Variants in COL22A1 observed in about 807,000 individuals in gnomAD.
COL22A1 encodes the protein collagen alpha-1(XXII) chain.
A neutral mutation model predicts 248.9 loss-of-function variants in COL22A1; 221 were observed. The observed-to-expected ratio is 0.89, with a 90% confidence interval of 0.80 to 0.99. The LOEUF is 0.99. COL22A1 is among the 50% of genes least tolerant of loss of function. The probability of loss-of-function intolerance (pLI) is 0.00; values close to 1 mark genes in which losing one functional copy is unlikely to be tolerated. For missense variants in COL22A1, 2,240 were observed against 2,179.0 expected (o/e 1.03, Z -0.56); for synonymous variants, 891 against 793.4 (o/e 1.12, Z -2.07).
intron 32 of COL22A1, among the ~76,000 whole-genome samples, chr8:138,699,836 A>G (rs941476433): frequency 1.3e-5 from 2 of 152,228 alleles, no homozygotes; most frequent in African/African-American, 4.8e-5. Context: ...GTGTTACTGA[A>G]GAATTAACTT....
Position 138,588,515 on chromosome 8 carries a change from C to G in COL22A1, c.*738G>C, listed in dbSNP as rs1302277155. The G allele has an allele frequency of 6.6e-6, 1 of 152,238 alleles. No homozygotes were observed. Among genetic ancestry groups the G allele is most frequent in the Admixed American group, 6.5e-5 (1 of 15,284 alleles). The allele number at this position is 152,238 out of a possible 1,614,324, so 9.4% of individuals were successfully genotyped here. ...ACAAATTAACACTCAAGGGCTGCCT[C>G]TTCAACATAGGTTTTCCCATCTTTG... On this transcript the variant is annotated 3_prime_UTR_variant, in exon 65 of 65. Coordinates refer to ENST00000303045, the MANE Select transcript of COL22A1 (RefSeq NM_152888.3).
At chr8:138,658,979 A>C (rs1165312012) in intron 44 of COL22A1, among the ~76,000 whole-genome samples, 1 of 151,924 alleles carries the variant, frequency 6.6e-6, no homozygotes, top group East Asian at 1.9e-4. Flanking sequence ...CATCAGCTGC[A>C]CTATGCTGAC....
At chr8:138,782,348 G>T (rs563198397) in intron 12 of COL22A1, among the ~76,000 whole-genome samples, 1 of 152,324 alleles carries the variant, frequency 6.6e-6, no homozygotes, top group Admixed American at 6.5e-5. Flanking sequence ...CTCCTGTGTA[G>T]CTCGGACTAC....
chr8:138,650,569 C>T (rs1822621414), intron 45 of COL22A1, among the ~76,000 whole-genome samples: 1 of 152,142 alleles, frequency 6.6e-6, no homozygotes, highest in Non-Finnish European at 1.5e-5. Flanking sequence ...CCCTCCATGG[C>T]CTTCTCTCTA....
At position 138,715,731 on chromosome 8, in the gene COL22A1, T is replaced by C. The variant is rs768060362; in HGVS notation, c.2468A>G (p.Glu823Gly). The C allele has an allele frequency of 5.6e-6, 9 of 1,610,038 alleles. No individual in the cohort carries two copies. In the African/African-American group the frequency reaches 9.4e-5, roughly 17 times the overall value. The change falls in exon 30 of 65, where the codon GAA becomes GGA. Residue 823 changes from glutamate (E) to glycine (G), a missense_variant. Glu to Gly is a moderately conservative substitution (Grantham distance 98). Coordinates refer to ENST00000303045, the MANE Select transcript of COL22A1 (RefSeq NM_152888.3). ...TCCTGGAAGTCCCAGTTCACCTTTT[T>C]CTCCCTATAATAAAAGATAAAATTA... Reference protein sequence around the residue: ...GVRGEKGDQGEKGELGLPGLK... With the variant: ...GVRGEKGDQGGKGELGLPGLK...
At chr8:138,814,711 A>C (rs1240808296) in intron 7 of COL22A1, among the ~76,000 whole-genome samples, 1 of 151,952 alleles carries the variant, frequency 6.6e-6, no homozygotes, top group Non-Finnish European at 1.5e-5. Context: ...TGAGTGAACC[A>C]CTCAGCTAAG....
intron 16 of COL22A1, among the ~76,000 whole-genome samples, chr8:138,774,162 A>C (rs1814158669): frequency 6.6e-6 from 1 of 152,112 alleles, no homozygotes; most frequent in Non-Finnish European, 1.5e-5. Context: ...TTGCTTATTA[A>C]AGTTAAAATG....
intron 47 of COL22A1, among the ~76,000 whole-genome samples, chr8:138,642,122 G>T (rs1006648759): frequency 1.3e-5 from 2 of 152,150 alleles, no homozygotes; most frequent in Admixed American, 1.3e-4. Context: ...GTAGACTAAA[G>T]CATTGCACCC....
chr8:138,819,688 G>T (rs915521653), intron 7 of COL22A1, among the ~76,000 whole-genome samples: 2 of 147,234 alleles, frequency 1.4e-5, no homozygotes. Context: ...TGTCTATAAT[G>T]TATGTATATG....
intron 32 of COL22A1, 149 bp downstream of exon 32, chr8:138,699,963 A>T: frequency 1.3e-6 from 1 of 755,284 alleles, no homozygotes. Flanking sequence ...ACCTGTTTTC[A>T]GGACAAGCCC....
chr8:138,713,608 G>A (rs529537514), intron 30 of COL22A1, among the ~76,000 whole-genome samples: 2 of 152,110 alleles, frequency 1.3e-5, no homozygotes, highest in African/African-American at 2.4e-5. Flanking sequence ...ACTAATCAGC[G>A]ATTTTCCAGT....
chr8:138,689,431 A>G (rs540882657), intron 36 of COL22A1, among the ~76,000 whole-genome samples: 1 of 152,290 alleles, frequency 6.6e-6, no homozygotes, highest in South Asian at 2.1e-4. Context: ...GAAACAGAGA[A>G]GCAAAAAGGG....
At chr8:138,690,514 C>T (rs1376987812) in intron 36 of COL22A1, among the ~76,000 whole-genome samples, 1 of 152,150 alleles carries the variant, frequency 6.6e-6, no homozygotes, top group Non-Finnish European at 1.5e-5. Flanking sequence ...GGACCTTTGA[C>T]TTCTTTAGGT....
At chr8:138,821,521 G>A (rs1819130863) in intron 6 of COL22A1, 110 bp from the exon 7 acceptor site, 2 of 1,115,256 alleles carry the variant, frequency 1.8e-6, no homozygotes, top group Non-Finnish European at 1.3e-6. Flanking sequence ...GTCAATCCTG[G>A]CTGTGACTCT....
intron 64 of COL22A1, among the ~76,000 whole-genome samples, chr8:138,590,636 C>T (rs919930703): frequency 9.9e-5 from 15 of 151,990 alleles, no homozygotes; most frequent in African/African-American, 3.4e-4. Flanking sequence ...ATACTAAAAT[C>T]GAAATTCTCT....
rs775842133 is a variant in COL22A1 at position 138,685,313 on chromosome 8, C to G, written c.2863-1G>C. 1.2e-6 allele frequency: 2 copies of G among 1,612,936 alleles called. No homozygotes were observed. Among genetic ancestry groups the G allele is most frequent in the African/African-American group, 2.7e-5 (2 of 74,854 alleles). On this transcript the variant is annotated splice_acceptor_variant, in intron 37 of 64. Coordinates refer to ENST00000303045, the MANE Select transcript of COL22A1 (RefSeq NM_152888.3). LOFTEE classifies it high-confidence loss of function. ...GGCTGCCTTCTTCCCCCGCTGCACC[C>G]TGGAAAGAAAAGTAGACATTTCCCA...
At chr8:138,811,485 T>C (rs771705696) in intron 9 of COL22A1, among the ~76,000 whole-genome samples, 4 of 152,150 alleles carry the variant, frequency 2.6e-5, no homozygotes, top group African/African-American at 4.8e-5. Flanking sequence ...CACTGTCTTC[T>C]TCTGAGTCTT....
intron 41 of COL22A1, among the ~76,000 whole-genome samples, chr8:138,670,285 G>A (rs1824902968): frequency 6.6e-6 from 1 of 152,198 alleles, no homozygotes; most frequent in African/African-American, 2.4e-5. Context: ...GGAAGGTGGT[G>A]TGTGGCTTTA....
intron 22 of COL22A1, among the ~76,000 whole-genome samples, chr8:138,740,647 G>GTGGGCAAGTAGGAGGCGCGTGT (rs1831481539): frequency 6.6e-6 from 1 of 152,134 alleles, no homozygotes; most frequent in Non-Finnish European, 1.5e-5. Context: ...GAGGCGCGTG[G>GTGGGCAAGTAGGAGGCGCGTGT]TAGACAAGAG....
Sources: allele counts gnomAD v4.1 joint callset (sites outside exome capture counted in the v4.1 genomes callset), GRCh38; gene constraint gnomAD v4.1.1; transcripts MANE v1.5; gene names NCBI Gene and HGNC (gene_info 2026-07-23, HGNC 2026-07-21).